Variants in STX19 observed in about 807,000 individuals in gnomAD.
STX19 encodes the protein syntaxin-19.
A neutral mutation model predicts 24.3 loss-of-function variants in STX19; 26 were observed. The observed-to-expected ratio is 1.07, with a 90% CI of 0.78 to 1.48. STX19 has a LOEUF of 1.48. STX19 is among the 40% of genes most tolerant of loss of function. The pLI, the probability that STX19 is intolerant of heterozygous loss-of-function variation, is 0.00. For missense variants in STX19, 367 were observed against 331.9 expected (o/e 1.11, Z -0.82); for synonymous variants, 116 against 106.9 (o/e 1.09, Z -0.52).
rs1389116795 is a variant in STX19, at chr3:94,014,652, T to G, written c.618A>C (p.Lys206Asn). Residue 206 changes from lysine to asparagine, a missense_variant, in exon 2 of 2, where the codon AAA (lysine) becomes AAC (asparagine). Lys to Asn is a moderately conservative substitution (Grantham distance 94). Transcript: ENST00000315099. ...ESLLTEINITKAQLSEIEQRH... is the reference protein window; with the variant it reads ...ESLLTEINITNAQLSEIEQRH... ...TCTGTTCAATCTCTGAAAGTTGTGC[T>G]TTAGTGATATTGATTTCTGTAAGTA... The G allele has an allele frequency of 1.2e-6, 2 of 1,613,656 alleles. No individual in the cohort carries two copies. The highest frequency in any genetic ancestry group is 2.2e-5 in the South Asian group (2 of 91,002).
intron 1 of STX19, among the ~76,000 whole-genome samples, chr3:94,017,708 G>T (rs2076361306): frequency 1.3e-5 from 2 of 152,116 alleles, no homozygotes; most frequent in African/African-American, 4.8e-5. Flanking sequence ...CAATAATCAG[G>T]CAGGGTCTCT....
At chr3:94,021,123 G>GA (rs1346413481) in intron 1 of STX19, among the ~76,000 whole-genome samples, 1 of 151,192 alleles carries the variant, frequency 6.6e-6, no homozygotes, top group African/African-American at 2.4e-5. Context: ...CGATACTATA[G>GA]AAAGAATTGC....
chr3:94,015,121 T>G lies in STX19; in HGVS notation c.149A>C (p.His50Pro). 6.2e-7 allele frequency: 1 copy of G among 1,613,984 alleles called. No homozygotes were observed. Among genetic ancestry groups the G allele is most frequent in the South Asian group, 1.1e-5 (1 of 91,064 alleles). The change falls in exon 2 of 2, where the codon CAC becomes CCC. Residue 50 changes from histidine (H) to proline (P), a missense_variant. By Grantham distance (77) the His-to-Pro change is moderately conservative (BLOSUM62 -2). Coordinates refer to ENST00000315099, the MANE Select transcript of STX19 (RefSeq NM_001001850.3). ...IYEREPVAERHLHEIQKLQES... is the reference protein window; with the variant it reads ...IYEREPVAERPLHEIQKLQES... Reference sequence around the variant, plus strand: ...CTGTAGTTTTTGGATTTCATGTAGGTGTCTCTCAGCTACAGGCTCTCTTTC... The same window carrying G: ...CTGTAGTTTTTGGATTTCATGTAGGGGTCTCTCAGCTACAGGCTCTCTTTC...
chr3:94,027,693 TAC>T (rs987993284), intron 1 of STX19, among the ~76,000 whole-genome samples: 1 of 152,104 alleles, frequency 6.6e-6, no homozygotes, highest in African/African-American at 2.4e-5. Context: ...CTAACCTATC[TAC>T]ATATGTTGTA....
chr3:94,022,797 A>C lies in STX19; in HGVS notation c.-14+5570T>G, dbSNP rs1019723219. ...GATTTTTCACAAAGTAAATACATCC[A>C]TGTAACTACCACATAGATCAAGAAA... On this transcript the variant is annotated intron_variant, in intron 1 of 1. Coordinates refer to ENST00000315099, the MANE Select transcript of STX19 (RefSeq NM_001001850.3). Among the ~76,000 whole-genome samples the C allele has an allele frequency of 2.0e-5, 3 of 152,218 alleles. No homozygotes were observed. In the East Asian group the frequency reaches 5.8e-4, roughly 29 times the overall value.
Position 94,015,097 on chromosome 3 carries a change from T to G in STX19, c.173A>C (p.Gln58Pro). 1.2e-6 allele frequency: 2 copies of G among 1,613,898 alleles called. No homozygotes were observed. Among genetic ancestry groups the G allele is most frequent in the Non-Finnish European group, 1.7e-6 (2 of 1,179,908 alleles). The stretch of plus-strand genomic sequence containing the variant: ...ATCTGCCAAATTGTTAATACTTTCC[T>G]GTAGTTTTTGGATTTCATGTAGGTG... ...ERHLHEIQKLQESINNLADNV... is the reference protein window; with the variant it reads ...ERHLHEIQKLPESINNLADNV... Residue 58 changes from glutamine to proline, a missense_variant, in exon 2 of 2, where the codon CAG becomes CCG. Transcript: ENST00000315099.
chr3:94,026,424 C>A (rs2076559296), intron 1 of STX19, among the ~76,000 whole-genome samples: 1 of 152,128 alleles, frequency 6.6e-6, no homozygotes, highest in South Asian at 2.1e-4. Flanking sequence ...TTCCCTAAAT[C>A]CTTGTTCATC....
chr3:94,021,646 A>T (rs759827381), intron 1 of STX19, among the ~76,000 whole-genome samples: 30 of 152,186 alleles, frequency 2.0e-4, no homozygotes, highest in Non-Finnish European at 2.1e-4. Flanking sequence ...TCTGATAAGA[A>T]CTAGTCTTCT....
chr3:94,026,334 G>GGGAGTAACTTCTGTATCTGTGCATTTT (rs1334212266), intron 1 of STX19, among the ~76,000 whole-genome samples: 1 of 152,144 alleles, frequency 6.6e-6, no homozygotes, highest in Admixed American at 6.5e-5. Flanking sequence ...TAGAGAAAGA[G>GGGAGTAACTTCTGTATCTGTGCATTTT]GGAGTAACTT....
intron 1 of STX19, among the ~76,000 whole-genome samples, chr3:94,021,761 T>C (rs2076452855): frequency 6.6e-6 from 1 of 152,236 alleles, no homozygotes; most frequent in African/African-American, 2.4e-5. Flanking sequence ...TATGACTCCC[T>C]AATCTATAAG....
chr3:94,017,153 G>C (rs1429561458), intron 1 of STX19, among the ~76,000 whole-genome samples: 1 of 152,150 alleles, frequency 6.6e-6, no homozygotes, highest in Non-Finnish European at 1.5e-5. Context: ...GATGAGATTG[G>C]AAAACCATAC....
rs746544913 is a variant in STX19 at position 94,014,905 on chromosome 3, T to C, written c.365A>G (p.Glu122Gly). 1 of 1,613,594 alleles carries C rather than the reference T, an allele frequency of 6.2e-7. No homozygotes were observed. Among genetic ancestry groups the C allele is most frequent in the East Asian group, 2.2e-5 (1 of 44,866 alleles). ...LVKEVKKSEVENGPSSVVTRI... is the reference protein window; with the variant it reads ...LVKEVKKSEVGNGPSSVVTRI... ...TGTGACCACTGAAGATGGACCATTT[T>C]CAACCTCTGACTTTTTAACTTCTTT... is the stretch of plus-strand genomic sequence containing the variant. The change falls in exon 2 of 2, where the codon GAA becomes GGA. Residue 122 changes from glutamate to glycine, a missense_variant. Transcript: ENST00000315099.
intron 1 of STX19, among the ~76,000 whole-genome samples, chr3:94,027,636 A>G (rs1290447599): frequency 6.6e-6 from 1 of 152,108 alleles, no homozygotes; most frequent in Non-Finnish European, 1.5e-5. Context: ...TTGAAATGGA[A>G]TATTTATTAA....
chr3:94,021,352 G>T (rs1455554423), intron 1 of STX19, among the ~76,000 whole-genome samples: 1 of 151,802 alleles, frequency 6.6e-6, no homozygotes, highest in Non-Finnish European at 1.5e-5. Flanking sequence ...CCATCACCAT[G>T]CCCAGATAAT....
chr3:94,015,646 T>C (rs1053739172), intron 1 of STX19, among the ~76,000 whole-genome samples: 3 of 152,140 alleles, frequency 2.0e-5, no homozygotes, highest in African/African-American at 7.2e-5. Flanking sequence ...ATGCCAAAAA[T>C]GCCCTTGTTA....
chr3:94,016,308 C>G (rs994966098), intron 1 of STX19, among the ~76,000 whole-genome samples: 1 of 151,918 alleles, frequency 6.6e-6, no homozygotes, highest in African/African-American at 2.4e-5. Context: ...AAAAAAAGGT[C>G]TCTGAATGTG....
At chr3:94,026,225 G>T (rs1007535560) in intron 1 of STX19, among the ~76,000 whole-genome samples, 1 of 152,012 alleles carries the variant, frequency 6.6e-6, no homozygotes, top group African/African-American at 2.4e-5. Context: ...TTCACCGTGT[G>T]AGCCAGGAGA....
chr3:94,023,644 C>T (rs1553840481), intron 1 of STX19, among the ~76,000 whole-genome samples: 1 of 152,060 alleles, frequency 6.6e-6, no homozygotes, highest in Non-Finnish European at 1.5e-5. Context: ...TTGCCTAAGG[C>T]CACACAACTA....
intron 1 of STX19, among the ~76,000 whole-genome samples, chr3:94,015,607 TACCTTCA>T (rs1357901982): frequency 3.5e-4 from 53 of 152,312 alleles, no homozygotes; most frequent in African/African-American, 1.2e-3. Context: ...CTTTTGACTA[TACCTTCA>T]ACCTATAGGA....
Sources: allele counts gnomAD v4.1 joint callset (sites outside exome capture counted in the v4.1 genomes callset), GRCh38; gene constraint gnomAD v4.1.1; transcripts MANE v1.5; gene names NCBI Gene and HGNC (gene_info 2026-07-23, HGNC 2026-07-21).